MEGF10: variants seen among roughly 807,000 people sequenced by gnomAD.
MEGF10 encodes multiple epidermal growth factor-like domains protein 10.
MEGF10 carries 86 observed loss-of-function variants against 147.5 expected under a neutral mutation model. That is an observed-to-expected ratio of 0.58 (90% confidence interval 0.49 to 0.70). The LOEUF is 0.70. Ranked by LOEUF, MEGF10 falls within the 30% of genes least tolerant of loss-of-function variation. The pLI, the probability that MEGF10 is intolerant of heterozygous loss-of-function variation, is 0.00. For synonymous variants in MEGF10, 478 were observed against 525.5 expected (o/e 0.91, Z 1.24); for missense variants, 1,329 against 1,487.3 (o/e 0.89, Z 1.75).
chr5:127,244,117 A>G, the MEGF10 span, among the ~76,000 whole-genome samples: 1 of 146,394 alleles, frequency 6.8e-6, no homozygotes, highest in African/African-American at 2.5e-5. Flanking sequence ...AATAGCTTGA[A>G]CCCAGGAGGT....
Position 127,398,661 on chromosome 5 carries a change from A to C in MEGF10, c.660-15A>C. ...GGGAAATAACAGTGTCCTTTGTCAC[A>C]TGTTAATCCCTCAGCTGTGAGGATC... On this transcript the variant is annotated splice_polypyrimidine_tract_variant and intron_variant, in intron 6 of 24. Transcript: ENST00000503335. 6.2e-7 allele frequency: 1 copy of C among 1,614,032 alleles called. No homozygotes were observed. The highest frequency in any genetic ancestry group is 1.7e-4 in the Middle Eastern group (1 of 6,010).
chr5:127,314,746 T>C (rs1489384476), intron 1 of MEGF10, among the ~76,000 whole-genome samples: 1 of 152,232 alleles, frequency 6.6e-6, no homozygotes, highest in Non-Finnish European at 1.5e-5. Context: ...GCAGGAACTA[T>C]TTCTACCCTT....
Position 127,422,447 on chromosome 5 carries a change from G to A in MEGF10, c.1591-223G>A, listed in dbSNP as rs186573380. ...GAGAATTCCTTCAACCCGGGAGGCC[G>A]AGGTTGCGCTGAGCTGAAATCACAC... On this transcript the variant is annotated intron_variant, in intron 12 of 24. Coordinates refer to ENST00000503335, the MANE Select transcript of MEGF10 (RefSeq NM_001256545.2). Among the ~76,000 whole-genome samples the A allele has an allele frequency of 2.5e-3, 379 of 152,232 alleles. 3 individuals are homozygous for A. Among genetic ancestry groups the A allele is most frequent in the Middle Eastern group, 0.01 (3 of 294 alleles).
intron 16 of MEGF10, among the ~76,000 whole-genome samples, chr5:127,436,672 T>G (rs913465633): frequency 2.6e-5 from 4 of 152,218 alleles, no homozygotes; most frequent in African/African-American, 9.6e-5. Flanking sequence ...AGGAGGAATG[T>G]GCTGAAAGGA....
At chr5:127,246,143 G>A in the MEGF10 span, among the ~76,000 whole-genome samples, 1 of 152,176 alleles carries the variant, frequency 6.6e-6, no homozygotes, top group Non-Finnish European at 1.5e-5. Context: ...CTGCTATAAA[G>A]ATATATGCAC....
intron 16 of MEGF10, 126 bp downstream of exon 16, chr5:127,435,615 C>A: frequency 2.2e-6 from 2 of 923,828 alleles, no homozygotes; most frequent in Non-Finnish European, 3.0e-6. Context: ...AAGACACATT[C>A]TACTTTAAAT....
At chr5:127,373,063 A>G (rs1762901249) in intron 5 of MEGF10, among the ~76,000 whole-genome samples, 1 of 152,166 alleles carries the variant, frequency 6.6e-6, no homozygotes, top group African/African-American at 2.4e-5. Context: ...GTAAGAACTC[A>G]TGTATATTTA....
chr5:127,379,754 C>T (rs1580788164), intron 5 of MEGF10, among the ~76,000 whole-genome samples: 1 of 152,058 alleles, frequency 6.6e-6, no homozygotes. Flanking sequence ...CGCCCACCAC[C>T]ATGCCTGGCT....
chr5:127,340,870 G>A (rs1019219418), intron 4 of MEGF10, among the ~76,000 whole-genome samples: 1 of 152,152 alleles, frequency 6.6e-6, no homozygotes, highest in African/African-American at 2.4e-5. Flanking sequence ...ACAGAAAGAT[G>A]ATTCAAGGCC....
At chr5:127,244,542 GA>G in the MEGF10 span, among the ~76,000 whole-genome samples, 2 of 151,890 alleles carry the variant, frequency 1.3e-5, no homozygotes, top group African/African-American at 2.4e-5. Flanking sequence ...CAGGCATAAT[GA>G]AAAAAAGCCA....
At chr5:127,391,324 C>G (rs1272017425) in intron 5 of MEGF10, among the ~76,000 whole-genome samples, 1 of 151,892 alleles carries the variant, frequency 6.6e-6, no homozygotes, top group Admixed American at 6.6e-5. Flanking sequence ...TCCTGTAATA[C>G]CAGCACTTTG....
intron 5 of MEGF10, among the ~76,000 whole-genome samples, chr5:127,389,479 A>G (rs940081204): frequency 1.3e-5 from 2 of 152,254 alleles, no homozygotes; most frequent in Non-Finnish European, 2.9e-5. Flanking sequence ...GTCAATGTTC[A>G]TTGCAGCCCT....
At chr5:127,382,724 A>T in intron 5 of MEGF10, among the ~76,000 whole-genome samples, 1 of 152,208 alleles carries the variant, frequency 6.6e-6, no homozygotes. Context: ...TTATTTATAA[A>T]ATATGTAAAG....
At chr5:127,400,543 T>C (rs1371627509) in intron 7 of MEGF10, among the ~76,000 whole-genome samples, 2 of 152,210 alleles carry the variant, frequency 1.3e-5, no homozygotes, top group Admixed American at 1.3e-4. Flanking sequence ...CTTTTGCCAG[T>C]GTTGGTCTTT....
intron 18 of MEGF10, 58 bp downstream of exon 18, chr5:127,440,925 C>G: frequency 6.3e-7 from 1 of 1,587,820 alleles, no homozygotes; most frequent in Non-Finnish European, 8.6e-7. Context: ...AATCACATTT[C>G]CTAGATGCCA....
At chr5:127,419,964 A>G (rs1764928128) in intron 11 of MEGF10, 80 bp from the exon 12 acceptor site, 1 of 1,512,562 alleles carries the variant, frequency 6.6e-7, no homozygotes, top group Admixed American at 1.9e-5. Flanking sequence ...GTTTCTAAAG[A>G]GAAACGTGGT....
intron 19 of MEGF10, chr5:127,445,158 C>T (rs930683308): frequency 5.6e-6 from 2 of 354,520 alleles, no homozygotes; most frequent in African/African-American, 4.2e-5. Context: ...TCTCTAACTG[C>T]TAGGCTAGAT....
At chr5:127,251,393 G>A in the MEGF10 span, among the ~76,000 whole-genome samples, 4 of 152,078 alleles carry the variant, frequency 2.6e-5, no homozygotes, top group African/African-American at 4.8e-5. Context: ...TTCCTTATGC[G>A]TAAAAGAGGG....
chr5:127,412,658 T>C (rs559649953), intron 9 of MEGF10, among the ~76,000 whole-genome samples: 1 of 152,170 alleles, frequency 6.6e-6, no homozygotes, highest in Non-Finnish European at 1.5e-5. Flanking sequence ...AGGGTTTGTA[T>C]CAGGTAGCTT....
Sources: gnomAD v4.1 joint callset for allele counts (sites outside exome capture counted in the v4.1 genomes callset) on GRCh38, gnomAD v4.1.1 for gene constraint, MANE v1.5 for transcripts, NCBI Gene and HGNC (gene_info 2026-07-23, HGNC 2026-07-21) for gene names.